PRKAG1: variants seen among roughly 807,000 people sequenced by gnomAD.
PRKAG1 encodes protein kinase AMP-activated non-catalytic subunit gamma 1.
A neutral mutation model predicts 48.2 loss-of-function variants in PRKAG1; 27 were observed. The observed-to-expected ratio is 0.56, with a 90% CI of 0.41 to 0.77. The LOEUF is 0.77. Among genes scored for constraint, PRKAG1 ranks in the 30% least tolerant of loss-of-function variants. The pLI is 0.00. For synonymous variants in PRKAG1, 130 were observed against 147.7 expected (o/e 0.88, Z 0.87); for missense variants, 287 against 398.3 (o/e 0.72, Z 2.38).
chr12:49,014,319 C>G (rs1251045996), intron 1 of PRKAG1, among the ~76,000 whole-genome samples: 1 of 152,214 alleles, frequency 6.6e-6, no homozygotes, highest in Non-Finnish European at 1.5e-5. Context: ...CTGAGCTGAA[C>G]GAGCATTATC....
At chr12:49,003,510 C>G (rs190107350) in intron 10 of PRKAG1, 48 bp downstream of exon 10, 5 of 1,526,214 alleles carry the variant, frequency 3.3e-6, no homozygotes, top group Admixed American at 3.5e-5. Flanking sequence ...TTAACAGTGC[C>G]CCCCCCCCAC....
At chr12:49,018,462 T>C (rs1942094442) in intron 1 of PRKAG1, 4 of 1,348,252 alleles carry the variant, frequency 3.0e-6, no homozygotes, top group East Asian at 2.9e-5. Flanking sequence ...TGCCACGGCA[T>C]ACGTGGGCCC....
chr12:49,002,502 C>A lies in PRKAG1; in HGVS notation c.*397G>T, dbSNP rs2137646833. 5.9e-6 allele frequency: 2 copies of A among 336,954 alleles called. No homozygotes were observed. The highest frequency in any genetic ancestry group is 4.9e-5 in the South Asian group (2 of 40,972). 20.9% of individuals were successfully genotyped at this position (336,954 alleles called of 1,614,324 possible). A position where few individuals can be genotyped will look rare whatever the true frequency, so the allele number is the denominator to read the frequency against. ...GCACGGAACAGGTGAATAAAAATATCTTTATGAAGAATTTTGTTGTGCTAT... is the reference window on the plus strand; with the variant it reads ...GCACGGAACAGGTGAATAAAAATATATTTATGAAGAATTTTGTTGTGCTAT... On this transcript the variant is annotated 3_prime_UTR_variant, in exon 12 of 12. Transcript: ENST00000548065.
intron 8 of PRKAG1, chr12:49,004,245 T>C (rs892428744): frequency 4.1e-5 from 22 of 531,404 alleles, no homozygotes; most frequent in Non-Finnish European, 6.2e-5. Flanking sequence ...TGAGCCATGA[T>C]AGCGCCTCTG....
chr12:49,004,007 G>C (rs552318795), intron 8 of PRKAG1, 85 bp from the exon 9 acceptor site: 2 of 1,497,056 alleles, frequency 1.3e-6, no homozygotes, highest in African/African-American at 1.4e-5. Context: ...TTAGAAATAA[G>C]GGCTGGGTGC....
At chr12:49,010,114 C>G (rs973552346) in intron 2 of PRKAG1, among the ~76,000 whole-genome samples, 1 of 151,908 alleles carries the variant, frequency 6.6e-6, no homozygotes, top group Admixed American at 6.6e-5. Context: ...CAGGGAGATA[C>G]AGCCTTCAGA....
chr12:49,011,552 C>T (rs905204854), intron 2 of PRKAG1, among the ~76,000 whole-genome samples: 9 of 148,140 alleles, frequency 6.1e-5, no homozygotes, highest in Non-Finnish European at 1.2e-4. Flanking sequence ...AGATAGTTGT[C>T]GCCTTTTTTT....
In PRKAG1 at chr12:49,003,610, G is replaced by A. The variant is rs200221244; in HGVS notation, c.704-15C>T. The A allele has an allele frequency of 7.4e-6, 12 of 1,613,472 alleles. No individual in the cohort carries two copies. Among genetic ancestry groups the A allele is most frequent in the Non-Finnish European group, 8.5e-6 (10 of 1,179,924 alleles). On this transcript the variant is annotated splice_polypyrimidine_tract_variant and intron_variant, in intron 9 of 11. Transcript: ENST00000548065. ...CACCACACGCCCTAGGGGGACAGAG[G>A]CAGCTCAGTAAGGAGGATCTGGGAT...
At chr12:49,012,392 T>C (rs75018848) in intron 2 of PRKAG1, among the ~76,000 whole-genome samples, 3 of 151,856 alleles carry the variant, frequency 2.0e-5, no homozygotes, top group Non-Finnish European at 4.4e-5. Context: ...TTTTTTTTTT[T>C]CTGAGACGAA....
chr12:49,013,662 T>TAA (rs2039541521), intron 1 of PRKAG1, among the ~76,000 whole-genome samples: 1 of 152,218 alleles, frequency 6.6e-6, no homozygotes, highest in Non-Finnish European at 1.5e-5. Flanking sequence ...TTAAGCAACT[T>TAA]GCCCAAGGTC....
chr12:49,011,256 T>C (rs149833631), intron 2 of PRKAG1, among the ~76,000 whole-genome samples: 17 of 152,334 alleles, frequency 1.1e-4, no homozygotes, highest in South Asian at 4.1e-4. Context: ...ATACACTACA[T>C]TGATAGTTAA....
rs1304336849 is a variant in PRKAG1, at chr12:49,004,550, T to C, written c.494A>G (p.Tyr165Cys). Residue 165 changes from tyrosine (Y) to cysteine (C), a missense_variant, in exon 8 of 12, where the codon TAC becomes TGC. Tyr to Cys is a radical substitution (Grantham distance 194, BLOSUM62 -2). Coordinates refer to ENST00000548065, the MANE Select transcript of PRKAG1 (RefSeq NM_002733.5). Reference sequence around the variant, plus strand: ...CAGAATGCGCTTGTGGGTGAGGATGTACAAAGTATTGCCTGATTCTGGGTC... The same window carrying C: ...CAGAATGCGCTTGTGGGTGAGGATGCACAAAGTATTGCCTGATTCTGGGTC... ...VIDPESGNTL[Y>C]ILTHKRILKF... 4 of 1,614,168 alleles carry C rather than the reference T, an allele frequency of 2.5e-6. No individual in the cohort carries two copies. The highest frequency in any genetic ancestry group is 3.4e-6 in the Non-Finnish European group (4 of 1,180,028).
chr12:49,018,713 G>C lies in PRKAG1; in HGVS notation c.9+19C>G, dbSNP rs762425970. ...CTTAGGCTCCACAGCGCCCCCGACCGCCCTCCTGCACTCCTCACCGTCTCC... is the reference window on the plus strand; with the variant it reads ...CTTAGGCTCCACAGCGCCCCCGACCCCCCTCCTGCACTCCTCACCGTCTCC... On this transcript the variant is annotated intron_variant, in intron 1 of 11. Coordinates refer to ENST00000548065, the MANE Select transcript of PRKAG1 (RefSeq NM_002733.5). The C allele has an allele frequency of 2.5e-6, 4 of 1,613,182 alleles. No individual in the cohort carries two copies. Among genetic ancestry groups the C allele is most frequent in the Middle Eastern group, 1.8e-4 (1 of 5,574 alleles).
At chr12:49,004,406 C>A (rs1941430418) in intron 8 of PRKAG1, 101 bp downstream of exon 8, 1 of 1,477,482 alleles carries the variant, frequency 6.8e-7, no homozygotes, top group Non-Finnish European at 9.3e-7. Flanking sequence ...GAGTTTGACA[C>A]TAGCCTGAGC....
rs77879432 is a variant in PRKAG1, at chr12:49,018,587, G to A, written c.9+145C>T. 6,901 of 1,509,328 alleles carry A rather than the reference G, an allele frequency of 4.6e-3. 283 individuals are homozygous for A. The African/African-American group carries it at 0.087, about 19-fold the overall frequency. The allele number at this position is 1,509,328 out of a possible 1,614,324, so 93.5% of individuals were successfully genotyped here. ...CGCCCAACGAAGAAGCGGAGGAACA[G>A]GGTCACGGGATAGGGCAGACACCCG... On this transcript the variant is annotated intron_variant, in intron 1 of 11. Transcript: ENST00000548065.
At chr12:49,011,030 A>T (rs1941737428) in intron 2 of PRKAG1, among the ~76,000 whole-genome samples, 1 of 151,898 alleles carries the variant, frequency 6.6e-6, no homozygotes, top group Non-Finnish European at 1.5e-5. Context: ...TTTAGTAGAG[A>T]CGGGGTTTCA....
intron 2 of PRKAG1, chr12:49,012,835 G>GT: frequency 3.8e-6 from 2 of 527,108 alleles, no homozygotes; most frequent in Admixed American, 6.7e-5. Flanking sequence ...TACCTCAGAT[G>GT]TTTCTCTCAA....
chr12:49,013,841 A>T (rs753027212), intron 1 of PRKAG1, among the ~76,000 whole-genome samples: 10 of 152,082 alleles, frequency 6.6e-5, no homozygotes, highest in Admixed American at 1.3e-4. Flanking sequence ...ACTGATGAAG[A>T]GTTTGGTTGG....
chr12:49,012,301 C>T (rs1941791330), intron 2 of PRKAG1, among the ~76,000 whole-genome samples: 1 of 152,182 alleles, frequency 6.6e-6, no homozygotes, highest in Non-Finnish European at 1.5e-5. Context: ...ACTGTCTTCC[C>T]TGTGCTCTGG....
Sources: gnomAD v4.1 joint callset for allele counts (sites outside exome capture counted in the v4.1 genomes callset) on GRCh38, gnomAD v4.1.1 for gene constraint, MANE v1.5 for transcripts, NCBI Gene and HGNC (gene_info 2026-07-23, HGNC 2026-07-21) for gene names.